GPRC5A: variants seen among roughly 807,000 people sequenced by gnomAD.
GPRC5A encodes G protein-coupled receptor class C group 5 member A, also known as retinoic acid-induced protein 3.
Under a neutral mutation model 22.5 loss-of-function variants are expected in GPRC5A, and 19 were observed. The ratio of observed to expected loss-of-function variants is 0.85; its 90% confidence interval spans 0.59 to 1.24. GPRC5A has a LOEUF of 1.24. Among genes scored for constraint, GPRC5A ranks in the 50% most tolerant of loss-of-function variants. The pLI is 0.00. For missense variants in GPRC5A, 471 were observed against 451.1 expected, an observed-to-expected ratio of 1.04 and a Z score of -0.40; for synonymous variants, 192 against 184.5, an observed-to-expected ratio of 1.04 and a Z score of -0.33.
chr12:12,912,052 G>T (rs1216446116), intron 2 of GPRC5A, 32 bp from the exon 3 acceptor site: 15 of 1,538,584 alleles, frequency 9.7e-6, no homozygotes, highest in Non-Finnish European at 1.3e-5. Flanking sequence ...GGGGGCCCCA[G>T]TGGTTTAATT....
At chr12:12,907,064 A>C (rs1592350671) in intron 1 of GPRC5A, among the ~76,000 whole-genome samples, 2 of 151,176 alleles carry the variant, frequency 1.3e-5, no homozygotes, top group Non-Finnish European at 2.9e-5. Flanking sequence ...AAAAAAAAAA[A>C]AACAAAAACT....
intron 1 of GPRC5A, among the ~76,000 whole-genome samples, chr12:12,895,709 G>A (rs970487002): frequency 2.7e-5 from 4 of 150,772 alleles, no homozygotes; most frequent in Non-Finnish European, 5.9e-5. Flanking sequence ...CCGGCGCGGT[G>A]GCTCACACCT....
intron 1 of GPRC5A, among the ~76,000 whole-genome samples, chr12:12,898,242 A>G (rs1188539456): frequency 6.6e-6 from 1 of 152,070 alleles, no homozygotes; most frequent in African/African-American, 2.4e-5. Context: ...ATTAAATAAC[A>G]CCATATATGG....
intron 1 of GPRC5A, among the ~76,000 whole-genome samples, chr12:12,897,198 A>G (rs1863830206): frequency 1.5e-5 from 2 of 137,302 alleles, no homozygotes; most frequent in Admixed American, 1.7e-4. Flanking sequence ...CTGTACTCCC[A>G]GGCTGGAGTA....
intron 2 of GPRC5A, chr12:12,909,384 C>T: frequency 1.9e-6 from 1 of 520,580 alleles, no homozygotes; most frequent in Non-Finnish European, 3.4e-6. Flanking sequence ...TTATTGAGTA[C>T]TTTGTACAAT....
In GPRC5A at chr12:12,901,121, C is replaced by T. The variant is rs577966099; in HGVS notation, c.-7-7122C>T. ...AAGTGAAGAGGGTCTCGTCCTCATACTCAAAGTCCTTTGCTCATGCCCAAG... is the reference window on the plus strand; with the variant it reads ...AAGTGAAGAGGGTCTCGTCCTCATATTCAAAGTCCTTTGCTCATGCCCAAG... On this transcript the variant is annotated intron_variant, in intron 1 of 3. Transcript: ENST00000014914. 1.3e-3 allele frequency among the ~76,000 whole-genome samples: 202 copies of T among 152,200 alleles called. 1 individual carries two copies. Among genetic ancestry groups the T allele is most frequent in the African/African-American group, 4.1e-3 (169 of 41,522 alleles).
At chr12:12,893,776 G>A (rs923502806) in intron 1 of GPRC5A, among the ~76,000 whole-genome samples, 2 of 152,058 alleles carry the variant, frequency 1.3e-5, no homozygotes, top group African/African-American at 4.8e-5. Context: ...GTTTTTTTGA[G>A]ATGGAGTCTC....
intron 1 of GPRC5A, among the ~76,000 whole-genome samples, chr12:12,907,596 A>G (rs916301861): frequency 5.9e-5 from 9 of 152,146 alleles, no homozygotes; most frequent in Non-Finnish European, 1.0e-4. Context: ...TAGTAAAAAA[A>G]TATCAGGAAC....
At chr12:12,892,991 G>A (rs537323587) in intron 1 of GPRC5A, among the ~76,000 whole-genome samples, 5 of 152,310 alleles carry the variant, frequency 3.3e-5, no homozygotes, top group African/African-American at 1.2e-4. Context: ...AGGAAGGGCC[G>A]GGAGAGGCGC....
Position 12,914,592 on chromosome 12 carries a change from C to CTTTCTTTCTTTCTTTCTTTA in GPRC5A, c.*2058_*2059insTTCTTTCTTTCTTTATTTCT. The CTTTCTTTCTTTCTTTCTTTA allele has an allele frequency of 1.2e-5, 1 of 83,972 alleles. No individual in the cohort carries two copies. The highest frequency in any genetic ancestry group is 2.4e-5 in the Non-Finnish European group (1 of 41,614). 5.2% of individuals were successfully genotyped at this position (83,972 alleles called of 1,614,324 possible). On this transcript the variant is annotated 3_prime_UTR_variant, in exon 4 of 4. Transcript: ENST00000014914. The stretch of plus-strand genomic sequence containing the variant: ...TCTTTCTTTCTTTCTTTCTTTCTTT[C>CTTTCTTTCTTTCTTTCTTTA]TTTCTCTCTCTCTCTCTCTCTCTCT...
At chr12:12,902,994 G>A (rs1863905376) in intron 1 of GPRC5A, among the ~76,000 whole-genome samples, 1 of 152,196 alleles carries the variant, frequency 6.6e-6, no homozygotes, top group South Asian at 2.1e-4. Flanking sequence ...TTGAACCTGG[G>A]AGGTGGAGGT....
intron 1 of GPRC5A, among the ~76,000 whole-genome samples, chr12:12,893,846 C>T (rs1243467849): frequency 2.6e-5 from 4 of 152,294 alleles, no homozygotes; most frequent in Non-Finnish European, 4.4e-5. Context: ...CTCTGCCTCC[C>T]GGTTTCAAGG....
intron 1 of GPRC5A, among the ~76,000 whole-genome samples, chr12:12,901,762 CAAAAAAAAAA>C (rs34748296): frequency 1.2e-5 from 1 of 85,676 alleles, no homozygotes; most frequent in Admixed American, 1.3e-4. Context: ...ACTTGGGCAT[CAAAAAAAAAA>C]AAAAAAAAAA....
chr12:12,911,357 A>G (rs1175409530), intron 2 of GPRC5A, among the ~76,000 whole-genome samples: 2 of 152,216 alleles, frequency 1.3e-5, no homozygotes, highest in Non-Finnish European at 2.9e-5. Flanking sequence ...CCTCTTCCCA[A>G]TGAAAATGAT....
At chr12:12,907,400 CAA>C (rs567033664) in intron 1 of GPRC5A, among the ~76,000 whole-genome samples, 14 of 90,098 alleles carry the variant, frequency 1.6e-4, no homozygotes, top group Admixed American at 4.1e-4. Context: ...GACTCTGTCT[CAA>C]AAAAAAAAAA....
At chr12:12,896,642 T>C (rs183162736) in intron 1 of GPRC5A, among the ~76,000 whole-genome samples, 1 of 152,306 alleles carries the variant, frequency 6.6e-6, no homozygotes, top group Admixed American at 6.5e-5. Flanking sequence ...CACTCAGTCT[T>C]AGTCCAAAGC....
At position 12,912,671 on chromosome 12, in the gene GPRC5A, A is replaced by C; in HGVS notation, c.*132A>C. ...TACGGGAACAGTTTGCCTCCCTCCCAGCCTCAACCACAATTCTTCCATGCT... is the reference window on the plus strand; with the variant it reads ...TACGGGAACAGTTTGCCTCCCTCCCCGCCTCAACCACAATTCTTCCATGCT... On this transcript the variant is annotated 3_prime_UTR_variant, in exon 4 of 4. Transcript: ENST00000014914. 1 of 634,416 alleles carries C rather than the reference A, an allele frequency of 1.6e-6. No homozygotes were observed. The highest frequency in any genetic ancestry group is 4.3e-4 in the Middle Eastern group (1 of 2,316). 39.3% of individuals were successfully genotyped at this position (634,416 alleles called of 1,614,324 possible). A position where few individuals can be genotyped will look rare whatever the true frequency, so the allele number is the denominator to read the frequency against.
chr12:12,911,582 G>C (rs970891523), intron 2 of GPRC5A, among the ~76,000 whole-genome samples: 1 of 151,448 alleles, frequency 6.6e-6, no homozygotes, highest in African/African-American at 2.4e-5. Context: ...TCCACCTCCT[G>C]GGTTCACACC....
rs1044738047 is a variant in GPRC5A at position 12,914,557 on chromosome 12, T to C, written c.*2018T>C. 3.4e-5 allele frequency: 2 copies of C among 58,264 alleles called. No homozygotes were observed. Among genetic ancestry groups the C allele is most frequent in the African/African-American group, 2.3e-4 (2 of 8,604 alleles). The allele number at this position is 58,264 out of a possible 1,614,324, so 3.6% of individuals were successfully genotyped here. ...CCTTCCTTCCTTCCTTTCTTCTTTC[T>C]TTCTTTCTTTCTTTCTTTCTTTCTT... On this transcript the variant is annotated 3_prime_UTR_variant, in exon 4 of 4. Transcript: ENST00000014914.
Sources: gnomAD v4.1 joint callset for allele counts (sites outside exome capture counted in the v4.1 genomes callset) on GRCh38, gnomAD v4.1.1 for gene constraint, MANE v1.5 for transcripts, NCBI Gene and HGNC (gene_info 2026-07-23, HGNC 2026-07-21) for gene names.